The following ADCY9 variants were observed in gnomAD, a reference collection of about 807,000 sequenced individuals.
The protein encoded by ADCY9 is adenylate cyclase 9, also known as adenylate cyclase type 9.
A neutral mutation model predicts 101.5 loss-of-function variants in ADCY9; 50 were observed. The ratio of observed to expected loss-of-function variants is 0.49; its 90% CI spans 0.39 to 0.62. The LOEUF (loss-of-function observed/expected upper bound fraction) is 0.62. Among genes scored for constraint, ADCY9 ranks in the 20% least tolerant of loss-of-function variants. The probability of loss-of-function intolerance (pLI) is 0.00; values close to 1 mark genes in which losing one functional copy is unlikely to be tolerated. For synonymous variants in ADCY9, 905 were observed against 769.3 expected, an observed-to-expected ratio of 1.18 and a Z score of -2.92; for missense variants, 1,662 against 1,800.4, an observed-to-expected ratio of 0.92 and a Z score of 1.39.
At chr16:3,974,135 G>A (rs565210712) in intron 10 of ADCY9, among the ~76,000 whole-genome samples, 6 of 152,226 alleles carry the variant, frequency 3.9e-5, no homozygotes, top group Admixed American at 3.3e-4. Context: ...TCCGCCTCCC[G>A]GGTTCACGCC....
At chr16:4,071,590 G>A (rs1292318774) in intron 2 of ADCY9, among the ~76,000 whole-genome samples, 1 of 152,084 alleles carries the variant, frequency 6.6e-6, no homozygotes, top group Non-Finnish European at 1.5e-5. Flanking sequence ...ATCCCTGGTA[G>A]AAATGGGGAA....
At chr16:4,094,621 C>T (rs1236017709) in intron 2 of ADCY9, among the ~76,000 whole-genome samples, 1 of 151,670 alleles carries the variant, frequency 6.6e-6, no homozygotes, top group Admixed American at 6.6e-5. Context: ...GCAAGACCCC[C>T]ATCTCTAATA....
intron 2 of ADCY9, among the ~76,000 whole-genome samples, chr16:4,044,162 C>T (rs942477217): frequency 6.6e-6 from 1 of 152,074 alleles, no homozygotes; most frequent in Non-Finnish European, 1.5e-5. Flanking sequence ...GTCTAGCCAA[C>T]ATGGTGCAAC....
chr16:4,097,528 CATAT>C lies in ADCY9; in HGVS notation c.1693+16218_1693+16221del, dbSNP rs1166805300. On this transcript the variant is annotated intron_variant, in intron 2 of 10. Coordinates refer to ENST00000294016, the MANE Select transcript of ADCY9 (RefSeq NM_001116.4). ...ATATATATGTATAAATACATATGTA[CATAT>C]ATATATATATATATATATATATTTT... Among the ~76,000 whole-genome samples, 205 of 64,434 alleles carry C rather than the reference CATAT, an allele frequency of 3.2e-3. 1 individual carries two copies. The highest frequency in any genetic ancestry group is 4.5e-3 in the South Asian group (8 of 1,786). The allele number at this position is 64,434 out of a possible 152,430, so 42.3% of individuals were successfully genotyped here. A position where few individuals can be genotyped will look rare whatever the true frequency, so the allele number is the denominator to read the frequency against.
At chr16:3,994,881 T>A (rs1485145167) in intron 3 of ADCY9, among the ~76,000 whole-genome samples, 2 of 152,212 alleles carry the variant, frequency 1.3e-5, no homozygotes, top group Non-Finnish European at 2.9e-5. Flanking sequence ...GATGGTGAGC[T>A]AGTCTCATAA....
At chr16:4,051,427 G>C (rs1014368185) in intron 2 of ADCY9, among the ~76,000 whole-genome samples, 2 of 151,946 alleles carry the variant, frequency 1.3e-5, no homozygotes, top group African/African-American at 4.8e-5. Context: ...GGGAGACTGA[G>C]GCGGGAGAAT....
chr16:3,957,040 C>T (rs2055910399), intron 5 of ADCY9, among the ~76,000 whole-genome samples: 1 of 152,082 alleles, frequency 6.6e-6, no homozygotes, highest in South Asian at 2.1e-4. Flanking sequence ...TACATTTTTC[C>T]TCGTGGTCAC....
intron 2 of ADCY9, among the ~76,000 whole-genome samples, chr16:4,010,659 C>T (rs987180296): frequency 5.9e-5 from 9 of 152,270 alleles, no homozygotes; most frequent in East Asian, 5.8e-4. Flanking sequence ...TGACTATGGT[C>T]AGGCGTGCCA....
intron 4 of ADCY9, among the ~76,000 whole-genome samples, chr16:3,993,053 G>C (rs2056258492): frequency 1.3e-5 from 2 of 152,148 alleles, no homozygotes; most frequent in South Asian, 4.2e-4. Flanking sequence ...CTTTCTCGCC[G>C]TGAAGACCCC....
In ADCY9 at chr16:3,963,324, G is replaced by C; in HGVS notation, c.*2451C>G. The C allele has an allele frequency of 2.5e-6, 1 of 398,750 alleles. No homozygotes were observed. The highest frequency in any genetic ancestry group is 4.4e-5 in the Admixed American group (1 of 22,698). 24.7% of individuals were successfully genotyped at this position (398,750 alleles called of 1,614,324 possible). ...CCTCGTGCCAGCTGCTTAGAAACTCGTGTCTCCAGCACGATGTGCTCGCTG... is the reference window on the plus strand; with the variant it reads ...CCTCGTGCCAGCTGCTTAGAAACTCCTGTCTCCAGCACGATGTGCTCGCTG... On this transcript the variant is annotated 3_prime_UTR_variant, in exon 11 of 11. Transcript: ENST00000294016.
In ADCY9 at chr16:4,070,137, TG is replaced by T. The variant is rs1266902532; in HGVS notation, c.1693+43612del. Among the ~76,000 whole-genome samples, 30 of 152,272 alleles carry T rather than the reference TG, an allele frequency of 2.0e-4. 1 individual carries two copies. The highest frequency in any genetic ancestry group is 6.5e-4 in the Admixed American group (10 of 15,300). On this transcript the variant is annotated intron_variant, in intron 2 of 10. Coordinates refer to ENST00000294016, the MANE Select transcript of ADCY9 (RefSeq NM_001116.4). ...GTGTGTGTATGTGTGTGTGTGTGTG[TG>T]TGTGTGTACTTTTAAGGCATTCTCT...
At chr16:3,993,644 C>G in intron 3 of ADCY9, 134 bp from the exon 4 acceptor site, 1 of 1,110,052 alleles carries the variant, frequency 9.0e-7, no homozygotes, top group Non-Finnish European at 1.3e-6. Context: ...CAGAACCGCT[C>G]GGGGATGAGC....
chr16:4,020,332 T>C (rs8061182), intron 2 of ADCY9, among the ~76,000 whole-genome samples: 45,852 of 152,106 alleles, frequency 0.3, 8,592 homozygotes, highest in East Asian at 0.45. Flanking sequence ...AGGAATGAAT[T>C]GGAAACAGAA....
At chr16:3,967,696 CTT>C (rs35803770) in intron 10 of ADCY9, among the ~76,000 whole-genome samples, 12 of 129,552 alleles carry the variant, frequency 9.3e-5, no homozygotes, top group Admixed American at 1.6e-4. Context: ...GGCCTAACAT[CTT>C]TTTTTTTTTT....
intron 2 of ADCY9, among the ~76,000 whole-genome samples, chr16:4,110,071 G>C (rs2057103738): frequency 6.6e-6 from 1 of 152,126 alleles, no homozygotes; most frequent in Admixed American, 6.5e-5. Context: ...CCCAGCTCCA[G>C]CAGGAGCCCC....
intron 2 of ADCY9, among the ~76,000 whole-genome samples, chr16:4,049,324 A>G (rs1214927175): frequency 1.3e-5 from 2 of 152,142 alleles, no homozygotes; most frequent in Non-Finnish European, 2.9e-5. Context: ...AGTGGAGAGA[A>G]AGTCGGAAGG....
chr16:3,986,099 G>A (rs1255372139), intron 6 of ADCY9, among the ~76,000 whole-genome samples: 1 of 152,270 alleles, frequency 6.6e-6, no homozygotes, highest in Non-Finnish European at 1.5e-5. Context: ...TCAGAGCACA[G>A]GCTCTGCAGC....
chr16:4,065,935 C>G (rs2056798604), intron 2 of ADCY9, among the ~76,000 whole-genome samples: 1 of 152,192 alleles, frequency 6.6e-6, no homozygotes, highest in African/African-American at 2.4e-5. Flanking sequence ...AACTCCTGAC[C>G]TCAGGTGATC....
downstream of ADCY9, among the ~76,000 whole-genome samples, chr16:3,961,277 G>A (rs1368296988): frequency 6.6e-6 from 1 of 151,754 alleles, no homozygotes; most frequent in Non-Finnish European, 1.5e-5. Flanking sequence ...GCAAGACCCC[G>A]TCTCTGCAAA....
Sources: gnomAD v4.1 joint callset for allele counts (sites outside exome capture counted in the v4.1 genomes callset) on GRCh38, gnomAD v4.1.1 for gene constraint, MANE v1.5 for transcripts, NCBI Gene and HGNC (gene_info 2026-07-23, HGNC 2026-07-21) for gene names.